TNFAIP8: variants seen among roughly 807,000 people sequenced by gnomAD.
The protein encoded by TNFAIP8 is tumor necrosis factor alpha-induced protein 8.
Under a neutral mutation model 13.3 loss-of-function variants are expected in TNFAIP8, and 7 were observed. That is an observed-to-expected ratio of 0.52 (90% confidence interval 0.30 to 0.99). The LOEUF (loss-of-function observed/expected upper bound fraction) is 0.99, where lower values mean the gene tolerates loss of function less well. Among genes scored for constraint, TNFAIP8 ranks in the 50% least tolerant of loss-of-function variants. The probability of loss-of-function intolerance (pLI) is 0.07; values close to 1 mark genes in which losing one functional copy is unlikely to be tolerated. For synonymous variants in TNFAIP8, 94 were observed against 87.6 expected (o/e 1.07, Z -0.41); for missense variants, 258 against 236.9 (o/e 1.09, Z -0.58).
intron 1 of TNFAIP8, among the ~76,000 whole-genome samples, chr5:119,372,537 A>T (rs571308465): frequency 6.6e-6 from 1 of 152,226 alleles, no homozygotes; most frequent in Non-Finnish European, 1.5e-5. Context: ...ATAAATTCCT[A>T]GCTTTGTTAA....
At chr5:119,301,302 T>C (rs1749383585) in intron 1 of TNFAIP8, among the ~76,000 whole-genome samples, 1 of 152,222 alleles carries the variant, frequency 6.6e-6, no homozygotes, top group South Asian at 2.1e-4. Flanking sequence ...ATCTAGAATA[T>C]TCCACAATTC....
chr5:119,294,842 T>C (rs1749116878), intron 1 of TNFAIP8, among the ~76,000 whole-genome samples: 1 of 152,066 alleles, frequency 6.6e-6, no homozygotes, highest in South Asian at 2.1e-4. Context: ...ATGTCTTCTT[T>C]TGAGAAGTGT....
At chr5:119,362,925 A>G (rs886436293) in intron 1 of TNFAIP8, among the ~76,000 whole-genome samples, 1 of 152,220 alleles carries the variant, frequency 6.6e-6, no homozygotes, top group Non-Finnish European at 1.5e-5. Flanking sequence ...GAACCTGAGT[A>G]TAAGGAGCCT....
At chr5:119,305,874 C>G (rs1235000850) in intron 1 of TNFAIP8, among the ~76,000 whole-genome samples, 4 of 152,222 alleles carry the variant, frequency 2.6e-5, no homozygotes, top group Admixed American at 2.6e-4. Context: ...GTGAGCAACA[C>G]TGCCCTAAAA....
intron 1 of TNFAIP8, among the ~76,000 whole-genome samples, chr5:119,307,949 G>A (rs1026974283): frequency 5.3e-4 from 81 of 152,090 alleles, no homozygotes; most frequent in African/African-American, 1.8e-3. Flanking sequence ...TGATTTAAAA[G>A]CCAGCCTTCA....
chr5:119,360,788 G>A (rs1189629222), intron 1 of TNFAIP8, among the ~76,000 whole-genome samples: 1 of 152,098 alleles, frequency 6.6e-6, no homozygotes, highest in Non-Finnish European at 1.5e-5. Flanking sequence ...CCTCTTGGGG[G>A]GATTTATAAA....
intron 1 of TNFAIP8, among the ~76,000 whole-genome samples, chr5:119,278,020 T>C (rs1748510577): frequency 6.6e-6 from 1 of 152,188 alleles, no homozygotes; most frequent in Non-Finnish European, 1.5e-5. Context: ...CATATGAATT[T>C]TGAGGGGAGA....
In TNFAIP8 at chr5:119,340,882, G is replaced by A. The variant is rs557612023; in HGVS notation, c.2-51934G>A. 8.5e-5 allele frequency among the ~76,000 whole-genome samples: 13 copies of A among 152,246 alleles called. No individual in the cohort carries two copies. In the South Asian group the frequency reaches 2.3e-3, roughly 27 times the overall value. ...ATGGCCTTAGTTCACCGAATAGAGGGGTCGTTTCCTTTGCCGAACCAGAAT... is the reference window on the plus strand; with the variant it reads ...ATGGCCTTAGTTCACCGAATAGAGGAGTCGTTTCCTTTGCCGAACCAGAAT... On this transcript the variant is annotated intron_variant, in intron 1 of 1. Coordinates refer to the TNFAIP8 transcript ENST00000274456.
intron 1 of TNFAIP8, among the ~76,000 whole-genome samples, chr5:119,292,745 T>G (rs879205208): frequency 7.1e-6 from 1 of 141,204 alleles, no homozygotes; most frequent in Admixed American, 7.6e-5. Context: ...CTGTACCTGC[T>G]ACAGCATGGG....
intron 1 of TNFAIP8, among the ~76,000 whole-genome samples, chr5:119,277,637 G>T (rs1050020912): frequency 2.6e-5 from 4 of 152,120 alleles, no homozygotes; most frequent in African/African-American, 9.7e-5. Context: ...TGAGATATTG[G>T]GAGTTAAGTC....
intron 1 of TNFAIP8, among the ~76,000 whole-genome samples, chr5:119,340,302 C>T (rs1453303324): frequency 6.6e-6 from 1 of 152,164 alleles, no homozygotes; most frequent in African/African-American, 2.4e-5. Flanking sequence ...GGCTTTCACC[C>T]AGACCCTAAC....
intron 1 of TNFAIP8, among the ~76,000 whole-genome samples, chr5:119,377,933 G>A (rs1752343361): frequency 2.0e-5 from 3 of 152,306 alleles, no homozygotes; most frequent in South Asian, 4.1e-4. Context: ...GAACAGAAAT[G>A]TGTAGATGGC....
chr5:119,327,686 T>A (rs2112700424), intron 1 of TNFAIP8, among the ~76,000 whole-genome samples: 1 of 152,296 alleles, frequency 6.6e-6, no homozygotes, highest in African/African-American at 2.4e-5. Flanking sequence ...CTCGAACTCC[T>A]GACCTCAGGT....
chr5:119,381,379 C>G (rs1752478180), intron 1 of TNFAIP8, among the ~76,000 whole-genome samples: 1 of 151,594 alleles, frequency 6.6e-6, no homozygotes, highest in South Asian at 2.1e-4. Context: ...TGTCTCTACC[C>G]AAAAAAATAC....
chr5:119,322,245 C>G (rs1214574978), intron 1 of TNFAIP8, among the ~76,000 whole-genome samples: 1 of 152,204 alleles, frequency 6.6e-6, no homozygotes, highest in African/African-American at 2.4e-5. Flanking sequence ...TTTGTTAGAA[C>G]TTTTGTCACT....
intron 1 of TNFAIP8, among the ~76,000 whole-genome samples, chr5:119,282,065 T>C (rs1485021272): frequency 6.6e-6 from 1 of 152,256 alleles, no homozygotes; most frequent in South Asian, 2.1e-4. Context: ...TTTAGCACTT[T>C]TCAGAGTATC....
intron 1 of TNFAIP8, among the ~76,000 whole-genome samples, chr5:119,285,889 A>T (rs1172896448): frequency 6.6e-6 from 1 of 152,214 alleles, no homozygotes; most frequent in Admixed American, 6.5e-5. Flanking sequence ...GATCTCCAAG[A>T]CAGATTAACT....
chr5:119,317,582 GATA>G (rs200041962), intron 1 of TNFAIP8, among the ~76,000 whole-genome samples: 48 of 148,250 alleles, frequency 3.2e-4, no homozygotes, highest in Middle Eastern at 3.6e-3. Context: ...TACCTTATAT[GATA>G]ATAATAATAA....
rs1052680575 is a variant in TNFAIP8 at position 119,399,523 on chromosome 5, C to G, written c.*6142C>G. ...CTAAAATAAATGAAGCAACAGACTT[C>G]AGCAGCCTGAGAGAATTTTGTTCAA... is the stretch of plus-strand genomic sequence containing the variant. On this transcript the variant is annotated 3_prime_UTR_variant, in exon 2 of 2. Coordinates refer to ENST00000504771, the MANE Select transcript of TNFAIP8 (RefSeq NM_014350.4). 1.3e-5 allele frequency: 2 copies of G among 152,108 alleles called. No homozygotes were observed. The highest frequency in any genetic ancestry group is 1.3e-4 in the Admixed American group (2 of 15,276). 9.4% of individuals were successfully genotyped at this position (152,108 alleles called of 1,614,324 possible).
Sources: gnomAD v4.1 joint callset for allele counts (sites outside exome capture counted in the v4.1 genomes callset) on GRCh38, gnomAD v4.1.1 for gene constraint, MANE v1.5 for transcripts, NCBI Gene and HGNC (gene_info 2026-07-23, HGNC 2026-07-21) for gene names.